CPT1A: variants seen among roughly 807,000 people sequenced by gnomAD.
CPT1A encodes the protein carnitine palmitoyltransferase 1A.
In CPT1A, 64 loss-of-function variants were observed where a neutral mutation model predicts 100.8. That is an observed-to-expected ratio of 0.63 (90% CI 0.52 to 0.78). The LOEUF is 0.78. Among genes scored for constraint, CPT1A ranks in the 30% least tolerant of loss-of-function variants. The pLI is 0.00. For missense variants in CPT1A, 802 were observed against 1,034.1 expected (o/e 0.78, Z 3.08); for synonymous variants, 363 against 396.0 (o/e 0.92, Z 0.99).
chr11:68,778,797 T>G (rs1424902059), intron 12 of CPT1A, among the ~76,000 whole-genome samples: 1 of 152,130 alleles, frequency 6.6e-6, no homozygotes, highest in Non-Finnish European at 1.5e-5. Flanking sequence ...TTCTTTCTTT[T>G]TTTTTTGAGA....
intron 9 of CPT1A, among the ~76,000 whole-genome samples, chr11:68,788,629 G>GAAAAAAAAAAAAAAAAA (rs1491237097): frequency 8.0e-5 from 1 of 12,434 alleles, no homozygotes; most frequent in East Asian, 2.1e-3. Flanking sequence ...ACAAACAAAA[G>GAAAAAAAAAAAAAAAAA]TAAAAAAAAA....
At chr11:68,762,790 G>T in intron 14 of CPT1A, 29 bp from the exon 15 acceptor site, 1 of 1,613,560 alleles carries the variant, frequency 6.2e-7, no homozygotes. Flanking sequence ...TTCAGTGCAC[G>T]GCAGGGCATG....
intron 1 of CPT1A, among the ~76,000 whole-genome samples, chr11:68,816,537 C>T (rs538832060): frequency 6.6e-6 from 1 of 152,288 alleles, no homozygotes; most frequent in African/African-American, 2.4e-5. Flanking sequence ...ACCCTTCATC[C>T]TGGCTCCGGC....
At chr11:68,758,240 C>G (rs1290720687) in intron 18 of CPT1A, among the ~76,000 whole-genome samples, 1 of 150,096 alleles carries the variant, frequency 6.7e-6, no homozygotes, top group African/African-American at 2.4e-5. Flanking sequence ...TGCACTCTAG[C>G]CTGGGTGGCA....
intron 17 of CPT1A, among the ~76,000 whole-genome samples, chr11:68,760,017 G>A (rs1196707667): frequency 6.6e-6 from 1 of 152,074 alleles, no homozygotes; most frequent in Non-Finnish European, 1.5e-5. Context: ...CTCCAGCCTG[G>A]GTGACAGAGC....
intron 1 of CPT1A, among the ~76,000 whole-genome samples, chr11:68,833,611 A>G (rs1161615616): frequency 6.6e-6 from 1 of 152,180 alleles, no homozygotes; most frequent in African/African-American, 2.4e-5. Flanking sequence ...ACAAAACATT[A>G]GCTGGGTGTG....
At chr11:68,763,553 A>G (rs1335188100) in intron 14 of CPT1A, among the ~76,000 whole-genome samples, 8 of 152,148 alleles carry the variant, frequency 5.3e-5, no homozygotes, top group Non-Finnish European at 2.9e-5. Flanking sequence ...GTGGGGCCGG[A>G]GCCTGAAGCA....
At chr11:68,812,121 C>T (rs1856228828) in intron 3 of CPT1A, among the ~76,000 whole-genome samples, 2 of 152,168 alleles carry the variant, frequency 1.3e-5, no homozygotes, top group Non-Finnish European at 2.9e-5. Flanking sequence ...AATTCCATTT[C>T]AGAGCCCTAT....
intron 1 of CPT1A, among the ~76,000 whole-genome samples, chr11:68,838,090 G>A (rs1055175590): frequency 6.6e-6 from 1 of 152,072 alleles, no homozygotes; most frequent in African/African-American, 2.4e-5. Flanking sequence ...AGGACTTGGT[G>A]TCCAATGCCT....
At chr11:68,804,256 A>T (rs1193862072) in intron 4 of CPT1A, among the ~76,000 whole-genome samples, 155 bp from the exon 5 acceptor site, 1 of 152,232 alleles carries the variant, frequency 6.6e-6, no homozygotes, top group East Asian at 1.9e-4. Flanking sequence ...AAAGATCCGA[A>T]GCCACTTTTC....
chr11:68,787,627 T>C (rs1368742122), intron 9 of CPT1A, among the ~76,000 whole-genome samples: 1 of 151,960 alleles, frequency 6.6e-6, no homozygotes, highest in African/African-American at 2.4e-5. Flanking sequence ...CCTAATCCTA[T>C]GTGACTGTGT....
At chr11:68,788,365 G>A (rs1053598050) in intron 9 of CPT1A, among the ~76,000 whole-genome samples, 10 of 152,080 alleles carry the variant, frequency 6.6e-5, no homozygotes, top group Admixed American at 4.6e-4. Flanking sequence ...TTGGGAGGCC[G>A]AGGCGGGCGG....
intron 5 of CPT1A, among the ~76,000 whole-genome samples, chr11:68,802,063 A>G (rs1855916392): frequency 6.6e-6 from 1 of 152,150 alleles, no homozygotes. Flanking sequence ...TGTCCAGAAG[A>G]GGCAAATCCA....
intron 16 of CPT1A, 47 bp downstream of exon 16, chr11:68,761,488 T>C: frequency 6.3e-7 from 1 of 1,598,154 alleles, no homozygotes; most frequent in Non-Finnish European, 8.6e-7. Context: ...ATTTACTAAG[T>C]TTTGGTCTAG....
chr11:68,791,896 A>C (rs1855625399), intron 9 of CPT1A, among the ~76,000 whole-genome samples: 1 of 152,188 alleles, frequency 6.6e-6, no homozygotes, highest in South Asian at 2.1e-4. Flanking sequence ...GAATCTGCTT[A>C]GGAAAGCCCA....
rs539739557 is a variant in CPT1A, at chr11:68,760,167, C to T, written c.2142+58G>A. The T allele has an allele frequency of 3.7e-5, 46 of 1,233,916 alleles. No individual in the cohort carries two copies. The African/African-American group carries it at 4.5e-4, about 12-fold the overall frequency. 76.4% of individuals were successfully genotyped at this position (1,233,916 alleles called of 1,614,324 possible). A position where few individuals can be genotyped will look rare whatever the true frequency, so the allele number is the denominator to read the frequency against. ...AGCACGGAGATGGGCCCATCACACC[C>T]CATTACCCATCCCATCACCACGCCC... is the stretch of plus-strand genomic sequence containing the variant. On this transcript the variant is annotated intron_variant, in intron 17 of 18. Coordinates refer to ENST00000265641, the MANE Select transcript of CPT1A (RefSeq NM_001876.4).
intron 6 of CPT1A, among the ~76,000 whole-genome samples, chr11:68,797,903 G>A (rs1163267964): frequency 1.3e-5 from 2 of 152,192 alleles, no homozygotes; most frequent in Non-Finnish European, 2.9e-5. Flanking sequence ...GCTTGAACCT[G>A]GGAGGCAGAG....
At chr11:68,827,777 C>G (rs932127895) in intron 1 of CPT1A, among the ~76,000 whole-genome samples, 1 of 152,128 alleles carries the variant, frequency 6.6e-6, no homozygotes. Context: ...CATACAGTGC[C>G]ACCATACACG....
intron 1 of CPT1A, among the ~76,000 whole-genome samples, chr11:68,837,760 G>A (rs1857046260): frequency 6.6e-6 from 1 of 152,010 alleles, no homozygotes; most frequent in African/African-American, 2.4e-5. Flanking sequence ...GATCGCTTGA[G>A]GCCAAGAGTG....
Sources: allele counts gnomAD v4.1 joint callset (sites outside exome capture counted in the v4.1 genomes callset), GRCh38; gene constraint gnomAD v4.1.1; transcripts MANE v1.5; gene names NCBI Gene and HGNC (gene_info 2026-07-23, HGNC 2026-07-21).